Variants in PCDHGA9 observed in about 807,000 individuals in gnomAD.
The protein encoded by PCDHGA9 is protocadherin gamma subfamily A, 9.
A neutral mutation model predicts 62.5 loss-of-function variants in PCDHGA9; 37 were observed. The observed-to-expected ratio is 0.59, with a 90% CI of 0.46 to 0.78. The LOEUF (loss-of-function observed/expected upper bound fraction) is 0.78. Ranked by LOEUF, PCDHGA9 falls within the 30% of genes least tolerant of loss-of-function variation. PCDHGA9 has a pLI of 0.00. For missense variants in PCDHGA9, 1,138 were observed against 1,166.2 expected (o/e 0.98, Z 0.35); for synonymous variants, 459 against 484.6 (o/e 0.95, Z 0.69).
In PCDHGA9 at chr5:141,403,227, G is replaced by T; in HGVS notation, c.275G>T (p.Arg92Leu). The T allele has an allele frequency of 1.9e-6, 3 of 1,608,966 alleles. No individual in the cohort carries two copies. The highest frequency in any genetic ancestry group is 2.6e-6 in the Non-Finnish European group (3 of 1,175,630). The change falls in exon 1 of 4, where the codon CGG becomes CTG. Residue 92 changes from arginine to leucine, a missense_variant. Physicochemically the swap from Arg to Leu is moderately radical, Grantham distance 102. Coordinates refer to ENST00000573521, the MANE Select transcript of PCDHGA9 (RefSeq NM_018921.3). ...TTGGTCACCGCGGGTAGGATAGACC[G>T]GGAGGAGCTCTGTGCTCAGAGCCCG... ...GTLVTAGRID[R>L]EELCAQSPRC...
chr5:141,467,268 G>C lies in PCDHGA9; in HGVS notation c.2425-27539G>C, dbSNP rs1195615721. On this transcript the variant is annotated intron_variant, in intron 1 of 3. Transcript: ENST00000573521. The stretch of plus-strand genomic sequence containing the variant: ...GGGTTTCACCATGTTGGCCAGGCTG[G>C]TCTCGAACTCTTGACCTCAAGTGAT... Among the ~76,000 whole-genome samples, 3 of 152,030 alleles carry C rather than the reference G, an allele frequency of 2.0e-5. No homozygotes were observed. The South Asian group carries it at 6.2e-4, about 32-fold the overall frequency.
intron 1 of PCDHGA9, chr5:141,414,141 A>T (rs1162904324): frequency 1.3e-6 from 2 of 1,597,216 alleles, no homozygotes; most frequent in East Asian, 2.3e-5. Context: ...ATGAAATAGA[A>T]ATACAAGCAG....
intron 3 of PCDHGA9, 67 bp from the exon 4 acceptor site, chr5:141,510,880 G>A (rs373993657): frequency 1.9e-6 from 3 of 1,611,784 alleles, no homozygotes; most frequent in Admixed American, 3.3e-5. Context: ...AACTGCTGGG[G>A]ATATAAGACA....
chr5:141,490,030 C>G lies in PCDHGA9; in HGVS notation c.2425-4777C>G, dbSNP rs1361758608. The G allele has an allele frequency of 1.2e-6, 2 of 1,614,150 alleles. No individual in the cohort carries two copies. Among genetic ancestry groups the G allele is most frequent in the African/African-American group, 2.7e-5 (2 of 74,936 alleles). The stretch of plus-strand genomic sequence containing the variant: ...ACCCATTGGTACTCTGCTGCTCCGC[C>G]TCAATGCCACTGATCCAGACGAGGG... On this transcript the variant is annotated intron_variant, in intron 1 of 3. Coordinates refer to ENST00000573521, the MANE Select transcript of PCDHGA9 (RefSeq NM_018921.3). This position sits in a 1 kb window ranked among gnomAD's most constrained non-coding sequence, Gnocchi z 5.4.
intron 1 of PCDHGA9, among the ~76,000 whole-genome samples, chr5:141,482,529 GC>G (rs1229840218): frequency 3.6e-5 from 2 of 56,040 alleles, no homozygotes; most frequent in Non-Finnish European, 5.8e-5. Context: ...AGACAGACAT[GC>G]AAAAAAAAAA....
Position 141,512,594 on chromosome 5 carries a change from G to C in PCDHGA9, c.*1421G>C, listed in dbSNP as rs981124898. On this transcript the variant is annotated 3_prime_UTR_variant, in exon 4 of 4. Transcript: ENST00000573521. ...CACCCCCTTCTGCCCCTGGGTCCCC[G>C]GCCATCCAGCGGGGCTGCCAGAGAA... 1 of 152,812 alleles carries C rather than the reference G, an allele frequency of 6.5e-6. No homozygotes were observed. The highest frequency in any genetic ancestry group is 6.5e-5 in the Admixed American group (1 of 15,280). The allele number at this position is 152,812 out of a possible 1,614,324, so 9.5% of individuals were successfully genotyped here. A position where few individuals can be genotyped will look rare whatever the true frequency, so the allele number is the denominator to read the frequency against.
At chr5:141,507,286 TC>T in intron 3 of PCDHGA9, 1 of 149,886 alleles carries the variant, frequency 6.7e-6, no homozygotes, top group East Asian at 1.9e-4. Context: ...TAAGTCAGTC[TC>T]AAATGTTGCA....
chr5:141,503,418 A>G (rs1037754214), intron 2 of PCDHGA9, among the ~76,000 whole-genome samples: 1 of 151,528 alleles, frequency 6.6e-6, no homozygotes, highest in Admixed American at 6.6e-5. Context: ...AATATGGTGA[A>G]ACCCCATCTC....
At chr5:141,424,068 G>T in intron 1 of PCDHGA9, 1 of 993,858 alleles carries the variant, frequency 1.0e-6, no homozygotes. Flanking sequence ...TCACTGATTT[G>T]TAGTTATATT....
At position 141,485,227 on chromosome 5, in the gene PCDHGA9, G is replaced by C. The variant is rs2099609828; in HGVS notation, c.2425-9580G>C. 1 of 1,614,186 alleles carries C rather than the reference G, an allele frequency of 6.2e-7. No individual in the cohort carries two copies. Among genetic ancestry groups the C allele is most frequent in the Non-Finnish European group, 8.5e-7 (1 of 1,180,020 alleles). On this transcript the variant is annotated intron_variant, in intron 1 of 3. Transcript: ENST00000573521. The surrounding 1 kb of genome is among the most constrained non-coding windows in gnomAD (Gnocchi z 5.7). The stretch of plus-strand genomic sequence containing the variant: ...AAATCTGGCGGTGGGCTACCCTTTT[G>C]TTCCTCTTTTACCACCTGGGTTACG...
At chr5:141,416,870 A>G (rs1315073474) in intron 1 of PCDHGA9, 4 of 152,154 alleles carry the variant, frequency 2.6e-5, no homozygotes, top group Non-Finnish European at 5.9e-5. Flanking sequence ...GTCAGTCAAC[A>G]TTTGTTGAAT....
rs537850909 is a variant in PCDHGA9 at position 141,441,865 on chromosome 5, G to A, written c.2424+36489G>A. ...CTTGGATATGGTGCTGCACGCCGCG[G>A]AGCCTGGCTACCTGGTCACCAAGGT... On this transcript the variant is annotated intron_variant, in intron 1 of 3. Coordinates refer to ENST00000573521, the MANE Select transcript of PCDHGA9 (RefSeq NM_018921.3). The A allele has an allele frequency of 4.0e-4, 138 of 345,718 alleles. 1 individual carries two copies. The Admixed American group carries it at 4.6e-3, about 12-fold the overall frequency. The allele number at this position is 345,718 out of a possible 1,614,324, so 21.4% of individuals were successfully genotyped here. A position where few individuals can be genotyped will look rare whatever the true frequency, so the allele number is the denominator to read the frequency against.
rs2154576188 is a variant in PCDHGA9 at position 141,477,933 on chromosome 5, T to C, written c.2425-16874T>C. ...GCGGATGCAGGGCACAATGCCTGGCTCTCCTACAGTCTCTTGGGATCCCCT... is the reference window on the plus strand; with the variant it reads ...GCGGATGCAGGGCACAATGCCTGGCCCTCCTACAGTCTCTTGGGATCCCCT... On this transcript the variant is annotated intron_variant, in intron 1 of 3. Coordinates refer to ENST00000573521, the MANE Select transcript of PCDHGA9 (RefSeq NM_018921.3). The surrounding 1 kb of genome is among the most constrained non-coding windows in gnomAD (Gnocchi z 4.9). 1.2e-6 allele frequency: 2 copies of C among 1,614,112 alleles called. No homozygotes were observed. Among genetic ancestry groups the C allele is most frequent in the Non-Finnish European group, 1.7e-6 (2 of 1,180,022 alleles).
intron 2 of PCDHGA9, among the ~76,000 whole-genome samples, chr5:141,495,377 G>A (rs558501090): frequency 1.9e-4 from 29 of 152,330 alleles, no homozygotes; most frequent in Admixed American, 6.5e-4. Flanking sequence ...ACTGAGGAAG[G>A]ACTGGGCGGG....
At position 141,403,090 on chromosome 5, in the gene PCDHGA9, C is replaced by T. The variant is rs2094352394; in HGVS notation, c.138C>T (p.Gly46=). 6.2e-7 allele frequency: 1 copy of T among 1,614,068 alleles called. No individual in the cohort carries two copies. Among genetic ancestry groups the T allele is most frequent in the Non-Finnish European group, 8.5e-7 (1 of 1,179,912 alleles). The part of the protein sequence containing the change: ...PEETEKGYIV[G]NISKDLALEP... ...AGACAGAAAAGGGCTATATTGTGGG[C>T]AACATCTCCAAGGACCTGGCTCTGG... The change falls in exon 1 of 4, where the codon GGC becomes GGT. Residue 46 remains glycine (G), a synonymous_variant. Transcript: ENST00000573521.
chr5:141,409,179 G>A, intron 1 of PCDHGA9: 1 of 1,613,988 alleles, frequency 6.2e-7, no homozygotes. Context: ...GACGGAGGTG[G>A]TCTCTCTACC....
At position 141,485,122 on chromosome 5, in the gene PCDHGA9, G is replaced by C. The variant is rs1000179570; in HGVS notation, c.2425-9685G>C. The stretch of plus-strand genomic sequence containing the variant: ...CAGCTGCTGTGGCTGTTTGGGGCGG[G>C]TCGGCTTCATCCGCGTCTCAGGAGC... On this transcript the variant is annotated intron_variant, in intron 1 of 3. Transcript: ENST00000573521. This position sits in a 1 kb window ranked among gnomAD's most constrained non-coding sequence, Gnocchi z 5.7. The C allele has an allele frequency of 4.3e-6, 6 of 1,387,506 alleles. No individual in the cohort carries two copies. In the African/African-American group the frequency reaches 8.5e-5, roughly 20 times the overall value. The allele number at this position is 1,387,506 out of a possible 1,614,324, so 85.9% of individuals were successfully genotyped here. A position where few individuals can be genotyped will look rare whatever the true frequency, so the allele number is the denominator to read the frequency against.
At chr5:141,423,210 C>T in intron 1 of PCDHGA9, 2 of 1,613,696 alleles carry the variant, frequency 1.2e-6, no homozygotes, top group Non-Finnish European at 1.7e-6. Flanking sequence ...CCGTCACGCT[C>T]ACCGTGGCTG....
chr5:141,425,528 C>T (rs2096881702), intron 1 of PCDHGA9, among the ~76,000 whole-genome samples: 1 of 152,200 alleles, frequency 6.6e-6, no homozygotes, highest in African/African-American at 2.4e-5. Context: ...AAACATGAAA[C>T]AATAATCCTT....
Sources: gnomAD v4.1 joint callset for allele counts (sites outside exome capture counted in the v4.1 genomes callset) on GRCh38, gnomAD v4.1.1 for gene constraint, Gnocchi (gnomAD v3.1) non-coding constraint, MANE v1.5 for transcripts, NCBI Gene and HGNC (gene_info 2026-07-23, HGNC 2026-07-21) for gene names.